Variants in ENAH observed in about 807,000 individuals in gnomAD.
The protein encoded by ENAH is protein enabled homolog.
ENAH carries 23 observed loss-of-function variants against 78.7 expected under a neutral mutation model. The observed-to-expected ratio is 0.29, with a 90% CI of 0.21 to 0.41. The LOEUF is 0.41. ENAH is among the 10% of genes least tolerant of loss of function. The pLI is 1.00. For synonymous variants in ENAH, 226 were observed against 241.0 expected, an observed-to-expected ratio of 0.94 and a Z score of 0.58; for missense variants, 544 against 691.0, an observed-to-expected ratio of 0.79 and a Z score of 2.39.
chr1:225,501,258 A>G, intron 11 of ENAH, 188 bp from the exon 12 acceptor site: 1 of 485,544 alleles, frequency 2.1e-6, no homozygotes, highest in Non-Finnish European at 3.7e-6. Flanking sequence ...CACTTTTCTC[A>G]GTATTTCTTA....
At chr1:225,621,599 A>C (rs544939149) in intron 1 of ENAH, among the ~76,000 whole-genome samples, 13 of 152,140 alleles carry the variant, frequency 8.5e-5, no homozygotes, top group Admixed American at 7.2e-4. Context: ...GCCTAAATCT[A>C]TCTCTTAATC....
At chr1:225,632,813 A>G (rs1659337673) in intron 1 of ENAH, among the ~76,000 whole-genome samples, 1 of 152,232 alleles carries the variant, frequency 6.6e-6, no homozygotes, top group African/African-American at 2.4e-5. Context: ...TCATTAATCC[A>G]GTGGAAAAGT....
intron 3 of ENAH, among the ~76,000 whole-genome samples, chr1:225,536,864 G>A (rs180880408): frequency 6.6e-6 from 1 of 151,836 alleles, no homozygotes; most frequent in East Asian, 1.9e-4. Flanking sequence ...ATCTATTAAA[G>A]TTGCATGCAC....
At chr1:225,559,341 C>T (rs2096687199) in intron 2 of ENAH, among the ~76,000 whole-genome samples, 1 of 152,126 alleles carries the variant, frequency 6.6e-6, no homozygotes, top group African/African-American at 2.4e-5. Flanking sequence ...TAGGGCCAAG[C>T]ATATATACAA....
At chr1:225,608,815 CAAAAAAAAAAAAAAA>C (rs928281132) in intron 1 of ENAH, among the ~76,000 whole-genome samples, 1 of 20,660 alleles carries the variant, frequency 4.8e-5, no homozygotes, top group Non-Finnish European at 9.5e-5. Flanking sequence ...GACTCTGTCT[CAAAAAAAAAAAAAAA>C]AAAAAAAAAA....
chr1:225,505,762 A>G (rs146145961), intron 11 of ENAH, among the ~76,000 whole-genome samples: 117 of 152,340 alleles, frequency 7.7e-4, no homozygotes, highest in African/African-American at 2.5e-3. Flanking sequence ...TAAAACCTAT[A>G]TATCAGTAGT....
chr1:225,570,814 T>C (rs907057687), intron 1 of ENAH, among the ~76,000 whole-genome samples: 1 of 150,604 alleles, frequency 6.6e-6, no homozygotes, highest in Admixed American at 6.6e-5. Flanking sequence ...CAAAAAAAAA[T>C]TAGCCAGGTC....
chr1:225,640,700 G>C (rs1660866216), intron 1 of ENAH, among the ~76,000 whole-genome samples: 1 of 152,084 alleles, frequency 6.6e-6, no homozygotes, highest in Admixed American at 6.6e-5. Context: ...CTATAAAATG[G>C]AGATAACAGT....
chr1:225,501,092 G>A (rs1312049395), intron 11 of ENAH, 22 bp from the exon 12 acceptor site: 1 of 1,590,430 alleles, frequency 6.3e-7, no homozygotes, highest in Admixed American at 1.7e-5. Flanking sequence ...AGATTTCCAG[G>A]ACAGGTAAAC....
At chr1:225,579,220 AT>A (rs2096802411) in intron 1 of ENAH, among the ~76,000 whole-genome samples, 6 of 152,308 alleles carry the variant, frequency 3.9e-5, no homozygotes, top group Non-Finnish European at 5.9e-5. Flanking sequence ...AAAAAGAAAG[AT>A]TCTGACTATA....
intron 1 of ENAH, among the ~76,000 whole-genome samples, chr1:225,632,573 A>G (rs1659293027): frequency 6.6e-6 from 1 of 152,118 alleles, no homozygotes; most frequent in African/African-American, 2.4e-5. Flanking sequence ...TAATTGCTCT[A>G]CTTTTAATAC....
chr1:225,616,434 GAA>G (rs1241892323), intron 1 of ENAH, among the ~76,000 whole-genome samples: 1 of 151,364 alleles, frequency 6.6e-6, no homozygotes, highest in Non-Finnish European at 1.5e-5. Context: ...ATAATGTTGA[GAA>G]AAAAATTTAA....
chr1:225,568,830 T>C (rs2096747407), intron 1 of ENAH, among the ~76,000 whole-genome samples: 1 of 152,210 alleles, frequency 6.6e-6, no homozygotes. Context: ...CAGCACTGAG[T>C]AATAAAATTG....
At chr1:225,506,336 C>T (rs907458897) in intron 11 of ENAH, among the ~76,000 whole-genome samples, 18 of 152,150 alleles carry the variant, frequency 1.2e-4, no homozygotes, top group African/African-American at 3.1e-4. Context: ...CGCAGGTGTG[C>T]GCCACCATGC....
intron 1 of ENAH, among the ~76,000 whole-genome samples, chr1:225,622,953 G>A (rs565967705): frequency 6.6e-6 from 1 of 152,246 alleles, no homozygotes; most frequent in Non-Finnish European, 1.5e-5. Flanking sequence ...AAGACATAAA[G>A]AGAAATCCTC....
chr1:225,599,370 G>C (rs576947663), intron 1 of ENAH, among the ~76,000 whole-genome samples: 10 of 152,298 alleles, frequency 6.6e-5, no homozygotes, highest in African/African-American at 2.4e-4. Flanking sequence ...GGTATGGAAA[G>C]TATATTAGAT....
At chr1:225,628,124 TAGA>T (rs1163274993) in intron 1 of ENAH, among the ~76,000 whole-genome samples, 3 of 152,210 alleles carry the variant, frequency 2.0e-5, no homozygotes, top group Non-Finnish European at 2.9e-5. Flanking sequence ...TAATTCAGGA[TAGA>T]AGCTCAGCAG....
In ENAH at chr1:225,519,327, C is replaced by CCCGATCCAGGCGTTCCTG. The variant is rs748616592; in HGVS notation, c.655_672dup (p.Gln219_Arg224dup). 6.2e-6 allele frequency: 10 copies of CCCGATCCAGGCGTTCCTG among 1,604,940 alleles called. No homozygotes were observed. The highest frequency in any genetic ancestry group is 3.4e-5 in the Admixed American group (2 of 59,660). On this transcript the variant is annotated inframe_insertion, in exon 5 of 14. Coordinates refer to ENST00000366843, the MANE Select transcript of ENAH (RefSeq NM_018212.6). The stretch of plus-strand genomic sequence containing the variant: ...TCTCGTTCTTGTCTTTCTTGCCTCT[C>CCCGATCCAGGCGTTCCTG]CCGATCCAGGCGTTCCTGCCGCTCC...
intron 1 of ENAH, among the ~76,000 whole-genome samples, chr1:225,618,454 T>C (rs1656208210): frequency 6.6e-6 from 1 of 152,058 alleles, no homozygotes; most frequent in African/African-American, 2.4e-5. Context: ...GGAACCTTTT[T>C]CTCCTCACCT....
Sources: gnomAD v4.1 joint callset for allele counts (sites outside exome capture counted in the v4.1 genomes callset) on GRCh38, gnomAD v4.1.1 for gene constraint, MANE v1.5 for transcripts, NCBI Gene and HGNC (gene_info 2026-07-23, HGNC 2026-07-21) for gene names.